RRAS2: variants seen among roughly 807,000 people sequenced by gnomAD.
RRAS2 encodes the protein RAS related 2, also known as ras-related protein R-Ras2.
In RRAS2, 7 loss-of-function variants were observed where a neutral mutation model predicts 27.6. The observed-to-expected ratio is 0.25, with a 90% confidence interval of 0.14 to 0.48. RRAS2 has a LOEUF of 0.48. RRAS2 is among the 20% of genes least tolerant of loss of function. The pLI, the probability that RRAS2 is intolerant of heterozygous loss-of-function variation, is 0.99. For missense variants in RRAS2, 178 were observed against 256.2 expected (o/e 0.69, Z 2.08); for synonymous variants, 86 against 90.9 (o/e 0.95, Z 0.31).
At chr11:14,290,359 G>C (rs1477451374) in intron 4 of RRAS2, among the ~76,000 whole-genome samples, 3 of 152,184 alleles carry the variant, frequency 2.0e-5, no homozygotes, top group Non-Finnish European at 4.4e-5. Context: ...TGAGGCAGGA[G>C]AATCGCTTGA....
chr11:14,358,355 G>A lies in RRAS2; in HGVS notation c.108+408C>T. 8 of 985,528 alleles carry A rather than the reference G, an allele frequency of 8.1e-6. No individual in the cohort carries two copies. Among genetic ancestry groups the A allele is most frequent in the Non-Finnish European group, 9.6e-6 (8 of 830,008 alleles). The allele number at this position is 985,528 out of a possible 1,614,324, so 61.0% of individuals were successfully genotyped here. A position where few individuals can be genotyped will look rare whatever the true frequency, so the allele number is the denominator to read the frequency against. ...CCGCTATCGCCCCGACGGTGAAGGC[G>A]CGGCCGCAGGCGGCTGGAAAAGCAG... On this transcript the variant is annotated intron_variant, in intron 1 of 5. Transcript: ENST00000256196. This position sits in a 1 kb window ranked among gnomAD's most constrained non-coding sequence, Gnocchi z 5.1.
chr11:14,360,035 C>T (rs1271968087), upstream of RRAS2, among the ~76,000 whole-genome samples: 1 of 152,124 alleles, frequency 6.6e-6, no homozygotes, highest in African/African-American at 2.4e-5. Context: ...CCTAATTTCC[C>T]AGGCTAGATC....
At chr11:14,284,057 T>C (rs782318406) in intron 4 of RRAS2, among the ~76,000 whole-genome samples, 6 of 152,152 alleles carry the variant, frequency 3.9e-5, no homozygotes, top group Non-Finnish European at 8.8e-5. Flanking sequence ...CATTCTCTTA[T>C]TATTTCCCTT....
chr11:14,339,305 G>GGGGGA (rs1848651915), intron 1 of RRAS2, among the ~76,000 whole-genome samples: 1 of 91,270 alleles, frequency 1.1e-5, no homozygotes, highest in Admixed American at 1.3e-4. Flanking sequence ...GGGGGGGGGG[G>GGGGGA]AAGAAAAAAT....
Position 14,277,936 on chromosome 11 carries a change from C to G in RRAS2, c.*1401G>C, listed in dbSNP as rs1488969146. The G allele has an allele frequency of 1.3e-5, 2 of 152,168 alleles. No homozygotes were observed. Among genetic ancestry groups the G allele is most frequent in the Non-Finnish European group, 2.9e-5 (2 of 68,028 alleles). The allele number at this position is 152,168 out of a possible 1,614,324, so 9.4% of individuals were successfully genotyped here. A position where few individuals can be genotyped will look rare whatever the true frequency, so the allele number is the denominator to read the frequency against. ...CAAACATCATCTTGTGATAACAGAT[C>G]AATTTTAATTCTAGCACCTGAAGCT... On this transcript the variant is annotated 3_prime_UTR_variant, in exon 6 of 6. Transcript: ENST00000256196.
intron 1 of RRAS2, among the ~76,000 whole-genome samples, chr11:14,346,978 G>A (rs1050722824): frequency 6.6e-6 from 1 of 152,038 alleles, no homozygotes; most frequent in African/African-American, 2.4e-5. Flanking sequence ...AACAAAATGA[G>A]ACCCCATCTC....
intron 1 of RRAS2, among the ~76,000 whole-genome samples, chr11:14,357,635 T>C (rs553471617): frequency 4.2e-4 from 64 of 152,334 alleles, no homozygotes; most frequent in Non-Finnish European, 8.2e-4. Flanking sequence ...GTTACAGTAC[T>C]CAATATTTTA....
intron 5 of RRAS2, among the ~76,000 whole-genome samples, chr11:14,280,571 C>A (rs1340730685): frequency 6.6e-6 from 1 of 151,512 alleles, no homozygotes; most frequent in Non-Finnish European, 1.5e-5. Flanking sequence ...ACTAAAAATA[C>A]AAAGATTAGC....
At chr11:14,294,918 C>A in intron 2 of RRAS2, 56 bp from the exon 3 acceptor site, 1 of 1,475,594 alleles carries the variant, frequency 6.8e-7, no homozygotes, top group Admixed American at 1.7e-5. Context: ...TGCTTCCCCA[C>A]AAGGGCAAGA....
At chr11:14,330,154 T>C (rs940848180) in intron 1 of RRAS2, among the ~76,000 whole-genome samples, 5 of 152,172 alleles carry the variant, frequency 3.3e-5, no homozygotes, top group African/African-American at 7.2e-5. Flanking sequence ...AATGTGTTCA[T>C]TAAAAGATGT....
At chr11:14,284,158 C>G (rs1040779226) in intron 4 of RRAS2, among the ~76,000 whole-genome samples, 1 of 152,144 alleles carries the variant, frequency 6.6e-6, no homozygotes, top group Admixed American at 6.5e-5. Flanking sequence ...TGTTCTAATA[C>G]AAATATTTAG....
intron 1 of RRAS2, among the ~76,000 whole-genome samples, chr11:14,350,721 A>C (rs1041959799): frequency 2.6e-5 from 4 of 152,246 alleles, no homozygotes; most frequent in Admixed American, 6.5e-5. Context: ...GCAAAAAAAA[A>C]ATCTCATGTT....
rs1849451092 is a variant in RRAS2, at chr11:14,279,162, T to C, written c.*175A>G. On this transcript the variant is annotated 3_prime_UTR_variant, in exon 6 of 6. Transcript: ENST00000256196. ...AGCCTTAGTGTTTCCTTTAAATTTG[T>C]CTGGAAATGACCATTGTATTAGCTT... The C allele has an allele frequency of 1.5e-5, 9 of 583,600 alleles. No homozygotes were observed. The East Asian group carries it at 2.6e-4, about 17-fold the overall frequency. 36.2% of individuals were successfully genotyped at this position (583,600 alleles called of 1,614,324 possible).
chr11:14,328,437 G>A (rs537537678), intron 1 of RRAS2, among the ~76,000 whole-genome samples: 172 of 150,966 alleles, frequency 1.1e-3, no homozygotes, highest in African/African-American at 4.0e-3. Flanking sequence ...GAAGACACGT[G>A]TAAAAACAAT....
chr11:14,334,662 G>C (rs1848555283), intron 1 of RRAS2, among the ~76,000 whole-genome samples: 1 of 151,046 alleles, frequency 6.6e-6, no homozygotes, highest in Non-Finnish European at 1.5e-5. Context: ...CATAAACATA[G>C]CCATATAAAT....
rs1448641952 is a variant in RRAS2, at chr11:14,358,768, T to G, written c.103A>C (p.Ile35Leu). 1 of 1,438,122 alleles carries G rather than the reference T, an allele frequency of 7.0e-7. No individual in the cohort carries two copies. Among genetic ancestry groups the G allele is most frequent in the Non-Finnish European group, 9.2e-7 (1 of 1,083,954 alleles). The allele number at this position is 1,438,122 out of a possible 1,614,324, so 89.1% of individuals were successfully genotyped here. A position where few individuals can be genotyped will look rare whatever the true frequency, so the allele number is the denominator to read the frequency against. Residue 35 changes from isoleucine (I) to leucine (L), a missense_variant, in exon 1 of 6, where the codon ATC (isoleucine) becomes CTC (leucine). Coordinates refer to ENST00000256196, the MANE Select transcript of RRAS2 (RefSeq NM_012250.6). The surrounding 1 kb of genome is among the most constrained non-coding windows in gnomAD (Gnocchi z 5.1). ...GGCAGGCCCGCTCCAGGTACCTGGA[T>G]GAACTGGATGGTGAGCGCCGACTTG... Reference protein sequence around the residue: ...VGKSALTIQFIQSYFVTDYDP... With the variant: ...VGKSALTIQFLQSYFVTDYDP...
chr11:14,358,458 G>A lies in RRAS2; in HGVS notation c.108+305C>T, dbSNP rs1246815351. ...CCGGCTCGGTGGCCCAGCCTCTCCC[G>A]GAGGTCTCTGGCCTCGGCCAGAGCA... On this transcript the variant is annotated intron_variant, in intron 1 of 5. Coordinates refer to ENST00000256196, the MANE Select transcript of RRAS2 (RefSeq NM_012250.6). The surrounding 1 kb of genome is among the most constrained non-coding windows in gnomAD (Gnocchi z 5.1). 15 of 985,288 alleles carry A rather than the reference G, an allele frequency of 1.5e-5. No homozygotes were observed. The highest frequency in any genetic ancestry group is 1.7e-5 in the Non-Finnish European group (14 of 830,012). The allele number at this position is 985,288 out of a possible 1,614,324, so 61.0% of individuals were successfully genotyped here. A position where few individuals can be genotyped will look rare whatever the true frequency, so the allele number is the denominator to read the frequency against.
chr11:14,283,519 G>A (rs1352628480), intron 4 of RRAS2, among the ~76,000 whole-genome samples: 7 of 152,134 alleles, frequency 4.6e-5, no homozygotes, highest in African/African-American at 1.7e-4. Flanking sequence ...TAATTCACCG[G>A]CAAATCTATC....
chr11:14,304,292 G>A (rs560404101), intron 1 of RRAS2, among the ~76,000 whole-genome samples: 68 of 152,294 alleles, frequency 4.5e-4, no homozygotes, highest in African/African-American at 1.4e-3. Context: ...CCTCCACTAC[G>A]TGTGGAAGCA....
Sources: allele counts gnomAD v4.1 joint callset (sites outside exome capture counted in the v4.1 genomes callset), GRCh38; gene constraint gnomAD v4.1.1; non-coding constraint Gnocchi (gnomAD v3.1); transcripts MANE v1.5; gene names NCBI Gene and HGNC (gene_info 2026-07-23, HGNC 2026-07-21).